The following SLC33A1 variants were observed in gnomAD, a reference collection of about 807,000 sequenced individuals.
SLC33A1 encodes the protein acetyl-coenzyme A transporter 1.
SLC33A1 carries 20 observed loss-of-function variants against 50.0 expected under a neutral mutation model. The ratio of observed to expected loss-of-function variants is 0.40; its 90% CI spans 0.28 to 0.58. The LOEUF is 0.58. Among genes scored for constraint, SLC33A1 ranks in the 20% least tolerant of loss-of-function variants. The probability of loss-of-function intolerance (pLI) is 0.44; values close to 1 mark genes in which losing one functional copy is unlikely to be tolerated. For missense variants in SLC33A1, 476 were observed against 657.0 expected (o/e 0.72, Z 3.01); for synonymous variants, 265 against 251.8 (o/e 1.05, Z -0.50).
intron 3 of SLC33A1, 112 bp from the exon 4 acceptor site, chr3:155,833,697 A>C (rs1411534961): frequency 2.1e-6 from 2 of 939,120 alleles, no homozygotes; most frequent in Non-Finnish European, 3.5e-6. Context: ...TAAACCTGTT[A>C]GGAGGTTAAA....
chr3:155,848,221 G>A (rs9881705), intron 1 of SLC33A1, among the ~76,000 whole-genome samples: 30,025 of 152,120 alleles, frequency 0.2, 7,539 homozygotes, highest in African/African-American at 0.58. Flanking sequence ...TTGCAGCCTC[G>A]AACTCCTGGC....
chr3:155,852,746 T>C (rs982459542), intron 1 of SLC33A1, among the ~76,000 whole-genome samples: 4 of 152,198 alleles, frequency 2.6e-5, no homozygotes, highest in Non-Finnish European at 5.9e-5. Flanking sequence ...CCTTATTCAT[T>C]AGAGGCCTTA....
chr3:155,836,643 G>A (rs1752693581), intron 2 of SLC33A1, among the ~76,000 whole-genome samples: 1 of 152,086 alleles, frequency 6.6e-6, no homozygotes, highest in African/African-American at 2.4e-5. Flanking sequence ...ATGCCTGTAA[G>A]CACAGCACTT....
At position 155,829,784 on chromosome 3, in the gene SLC33A1, C is replaced by A; in HGVS notation, c.1386G>T (p.Trp462Cys). The A allele has an allele frequency of 1.2e-6, 2 of 1,613,916 alleles. No individual in the cohort carries two copies. Among genetic ancestry groups the A allele is most frequent in the Non-Finnish European group, 8.5e-7 (1 of 1,179,874 alleles). ...CAAGCCAAAGAGCTACTGTAGAAGG[C>A]CAGTTTCCTCCCAGATTGGACACGG... is the stretch of plus-strand genomic sequence containing the variant. The part of the protein sequence containing the change: ...LNTVSNLGGN[W>C]PSTVALWLVD... Residue 462 changes from tryptophan (W) to cysteine (C), a missense_variant, in exon 5 of 6, where the codon TGG (tryptophan) becomes TGT (cysteine). Physicochemically the swap from Trp to Cys is radical, Grantham distance 215. Coordinates refer to ENST00000643144, the MANE Select transcript of SLC33A1 (RefSeq NM_004733.4).
intron 1 of SLC33A1, among the ~76,000 whole-genome samples, chr3:155,848,512 C>G (rs1429873188): frequency 6.6e-6 from 1 of 152,162 alleles, no homozygotes; most frequent in African/African-American, 2.4e-5. Flanking sequence ...GCAACCCTGT[C>G]TCTACTAAAA....
At chr3:155,844,649 G>A (rs1240836159) in intron 1 of SLC33A1, 1 of 150,970 alleles carries the variant, frequency 6.6e-6, no homozygotes, top group Admixed American at 6.6e-5. Flanking sequence ...TGTATTTTCA[G>A]TAGAGACGGG....
intron 2 of SLC33A1, among the ~76,000 whole-genome samples, chr3:155,839,470 T>A (rs115117389): frequency 0.012 from 1,815 of 150,128 alleles, 34 homozygotes; most frequent in African/African-American, 0.042. Context: ...ATTTTTATAA[T>A]TTAAAAACAT....
At chr3:155,852,707 C>T (rs563899029) in intron 1 of SLC33A1, among the ~76,000 whole-genome samples, 8 of 152,334 alleles carry the variant, frequency 5.3e-5, no homozygotes, top group African/African-American at 1.9e-4. Context: ...AAATGTTCAT[C>T]TTCCTTATTT....
At chr3:155,839,973 A>T (rs1752860538) in intron 2 of SLC33A1, among the ~76,000 whole-genome samples, 2 of 152,132 alleles carry the variant, frequency 1.3e-5, no homozygotes, top group Non-Finnish European at 2.9e-5. Context: ...GTATATGAGT[A>T]AATAAATATA....
chr3:155,854,099 G>A lies in SLC33A1; in HGVS notation c.-102C>T. ...GCTGTCGCGCTGGACCAGGGTTTCG[G>A]TGGTTCACGGGATGGTGGCAGGGCT... On this transcript the variant is annotated 5_prime_UTR_variant, in exon 1 of 6. Transcript: ENST00000643144. The A allele has an allele frequency of 1.1e-6, 1 of 931,652 alleles. No individual in the cohort carries two copies. The highest frequency in any genetic ancestry group is 2.0e-5 in the South Asian group (1 of 50,702). 57.7% of individuals were successfully genotyped at this position (931,652 alleles called of 1,614,324 possible).
At position 155,824,951 on chromosome 3, in the gene SLC33A1, A is replaced by G. The variant is rs1752168244; in HGVS notation, c.*3259T>C. On this transcript the variant is annotated 3_prime_UTR_variant, in exon 6 of 6. Coordinates refer to ENST00000643144, the MANE Select transcript of SLC33A1 (RefSeq NM_004733.4). ...ATCAGGCAAAATTAAAATATTTATC[A>G]TGGGCAGGGCACGGTGGCTTACACC... 6.6e-6 allele frequency: 1 copy of G among 152,186 alleles called. No individual in the cohort carries two copies. Among genetic ancestry groups the G allele is most frequent in the African/African-American group, 2.4e-5 (1 of 41,448 alleles). The allele number at this position is 152,186 out of a possible 1,614,324, so 9.4% of individuals were successfully genotyped here.
In SLC33A1 at chr3:155,824,168, ATCAGATTATTTTAAAAGTTTATTTTCT is replaced by A. The variant is rs1350820555; in HGVS notation, c.*4015_*4041del. On this transcript the variant is annotated 3_prime_UTR_variant, in exon 6 of 6. Coordinates refer to ENST00000643144, the MANE Select transcript of SLC33A1 (RefSeq NM_004733.4). ...CTTATTAAATATATGAATGCTAGTT[ATCAGATTATTTTAAAAGTTTATTTTCT>A]TTCTCTAATAATAAGGTAAAATACA... 1 of 152,236 alleles carries A rather than the reference ATCAGATTATTTTAAAAGTTTATTTTCT, an allele frequency of 6.6e-6. No individual in the cohort carries two copies. 9.4% of individuals were successfully genotyped at this position (152,236 alleles called of 1,614,324 possible).
intron 2 of SLC33A1, among the ~76,000 whole-genome samples, chr3:155,839,629 T>G (rs1402184925): frequency 1.3e-5 from 2 of 152,034 alleles, no homozygotes; most frequent in East Asian, 3.9e-4. Context: ...AAAAATTATA[T>G]ATGATTCAAT....
At chr3:155,834,477 T>C (rs1385873049) in intron 2 of SLC33A1, among the ~76,000 whole-genome samples, 2 of 152,184 alleles carry the variant, frequency 1.3e-5, no homozygotes, top group Non-Finnish European at 2.9e-5. Context: ...TGACTGACCA[T>C]AATAAAATTT....
At position 155,825,237 on chromosome 3, in the gene SLC33A1, C is replaced by T. The variant is rs1327536201; in HGVS notation, c.*2973G>A. On this transcript the variant is annotated 3_prime_UTR_variant, in exon 6 of 6. Coordinates refer to ENST00000643144, the MANE Select transcript of SLC33A1 (RefSeq NM_004733.4). ...CAATCACTGCTTACTGAAGCCTTGA[C>T]CTCCTGGGTTCAAGTAACCCTCCCG... The T allele has an allele frequency of 6.6e-6, 1 of 152,000 alleles. No individual in the cohort carries two copies. Among genetic ancestry groups the T allele is most frequent in the African/African-American group, 2.4e-5 (1 of 41,364 alleles). The allele number at this position is 152,000 out of a possible 1,614,324, so 9.4% of individuals were successfully genotyped here. A position where few individuals can be genotyped will look rare whatever the true frequency, so the allele number is the denominator to read the frequency against.
intron 2 of SLC33A1, 54 bp downstream of exon 2, chr3:155,842,378 C>A: frequency 8.8e-7 from 1 of 1,132,502 alleles, no homozygotes; most frequent in South Asian, 1.3e-5. Flanking sequence ...TGTAAGTATT[C>A]CATGATATTG....
intron 1 of SLC33A1, among the ~76,000 whole-genome samples, chr3:155,851,898 T>C (rs1419696682): frequency 6.6e-6 from 1 of 152,206 alleles, no homozygotes; most frequent in African/African-American, 2.4e-5. Context: ...GTTAGATGTC[T>C]GTGAGAATAA....
rs1388663033 is a variant in SLC33A1, at chr3:155,826,518, T to C, written c.*1692A>G. 1 of 151,836 alleles carries C rather than the reference T, an allele frequency of 6.6e-6. No individual in the cohort carries two copies. Among genetic ancestry groups the C allele is most frequent in the Non-Finnish European group, 1.5e-5 (1 of 67,860 alleles). The allele number at this position is 151,836 out of a possible 1,614,324, so 9.4% of individuals were successfully genotyped here. ...ATTAAAAATCAAAACACATTTCATA[T>C]GTAAGAGTTAAGTGGTTTTTTTTCT... On this transcript the variant is annotated 3_prime_UTR_variant, in exon 6 of 6. Coordinates refer to ENST00000643144, the MANE Select transcript of SLC33A1 (RefSeq NM_004733.4).
chr3:155,852,915 C>A (rs1033315656), intron 1 of SLC33A1, among the ~76,000 whole-genome samples: 19 of 152,142 alleles, frequency 1.2e-4, no homozygotes, highest in African/African-American at 2.2e-4. Flanking sequence ...AAAATGTGAA[C>A]CATATGAGCC....
Sources: gnomAD v4.1 joint callset for allele counts (sites outside exome capture counted in the v4.1 genomes callset) on GRCh38, gnomAD v4.1.1 for gene constraint, MANE v1.5 for transcripts, NCBI Gene and HGNC (gene_info 2026-07-23, HGNC 2026-07-21) for gene names.